RBM41: variants seen among roughly 807,000 people sequenced by gnomAD.
The protein encoded by RBM41 is RNA-binding protein 41.
A neutral mutation model predicts 30.8 loss-of-function variants in RBM41; 14 were observed. That is an observed-to-expected ratio of 0.45 (90% CI 0.30 to 0.71). The LOEUF is 0.71. Ranked by LOEUF, RBM41 falls within the 30% of genes least tolerant of loss-of-function variation. The pLI, the probability that RBM41 is intolerant of heterozygous loss-of-function variation, is 0.08. For synonymous variants in RBM41, 120 were observed against 110.1 expected (o/e 1.09, Z -0.56); for missense variants, 276 against 326.3 (o/e 0.85, Z 1.19).
Position 107,115,488 on chromosome X carries a change from C to T in RBM41, c.387G>A (p.Ser129=), listed in dbSNP as rs760544494. The change falls in exon 4 of 8, where the codon TCG becomes TCA. Residue 129 remains serine (S), a synonymous_variant. Transcript: ENST00000685964. Reference sequence around the variant, plus strand: ...GCAGGCAAAGAATGCGCTGACGCTCCGAGATCCTTTCTTCAATATCTTGAA... The same window carrying T: ...GCAGGCAAAGAATGCGCTGACGCTCTGAGATCCTTTCTTCAATATCTTGAA... ...NRLQDIEERI[S]ERQRILCLPQ... 2.3e-5 allele frequency: 28 copies of T among 1,211,606 alleles called. No individual in the cohort carries two copies. The highest frequency in any genetic ancestry group is 1.8e-4 in the East Asian group (6 of 33,825).
intron 6 of RBM41, among the ~76,000 whole-genome samples, chrX:107,087,028 A>C (rs1922096574): frequency 8.9e-6 from 1 of 111,883 alleles, no homozygotes; most frequent in African/African-American, 3.2e-5. Flanking sequence ...TAAAAATATA[A>C]AAACGTGCAC....
At chrX:107,116,160 TTC>T in intron 2 of RBM41, 106 bp from the exon 3 acceptor site, 1 of 998,463 alleles carries the variant, frequency 1.0e-6, no homozygotes, top group African/African-American at 2.0e-5. Context: ...CCAGCAAATT[TTC>T]TCTTACATCT....
In RBM41 at chrX:107,065,859, A is replaced by C; in HGVS notation, c.*1668T>G. ...ACTGTGTTTTACATTAGTTAAGAGA[A>C]AAAAGAAAAATGCATAGATTGTTTC... On this transcript the variant is annotated 3_prime_UTR_variant, in exon 8 of 8. Transcript: ENST00000685964. 2.4e-6 allele frequency: 2 copies of C among 834,199 alleles called. No homozygotes were observed. The highest frequency in any genetic ancestry group is 8.1e-5 in the East Asian group (2 of 24,581). The allele number at this position is 834,199 out of a possible 1,213,427, so 68.7% of individuals were successfully genotyped here.
chrX:107,067,359 T>C lies in RBM41; in HGVS notation c.*168A>G. On this transcript the variant is annotated 3_prime_UTR_variant, in exon 8 of 8. Coordinates refer to ENST00000685964, the MANE Select transcript of RBM41 (RefSeq NM_001324242.2). ...TCCTATATAGTCTTCAATTATATAA[T>C]AGAAAATGTTTTCTACCAGTTCTCT... 4 of 1,067,122 alleles carry C rather than the reference T, an allele frequency of 3.7e-6. No individual in the cohort carries two copies. The highest frequency in any genetic ancestry group is 4.8e-6 in the Non-Finnish European group (4 of 825,292). The allele number at this position is 1,067,122 out of a possible 1,213,427, so 87.9% of individuals were successfully genotyped here.
chrX:107,052,361 C>T, the RBM41 span, among the ~76,000 whole-genome samples: 1 of 111,161 alleles, frequency 9.0e-6, no homozygotes, highest in Non-Finnish European at 1.9e-5. Context: ...TTGCAAGCCC[C>T]GTGTTTAAAG....
chrX:107,102,226 A>G (rs1055296086), intron 5 of RBM41, among the ~76,000 whole-genome samples: 3 of 111,939 alleles, frequency 2.7e-5, no homozygotes, highest in Admixed American at 9.5e-5. Flanking sequence ...TTAACTTAAA[A>G]GTGACAAACT....
At position 107,064,931 on chromosome X, in the gene RBM41, T is replaced by C. The variant is rs377476176; in HGVS notation, c.*2596A>G. The C allele has an allele frequency of 8.9e-6, 1 of 111,951 alleles. No homozygotes were observed. The highest frequency in any genetic ancestry group is 3.2e-5 in the African/African-American group (1 of 30,801). The allele number at this position is 111,951 out of a possible 1,213,427, so 9.2% of individuals were successfully genotyped here. A position where few individuals can be genotyped will look rare whatever the true frequency, so the allele number is the denominator to read the frequency against. On this transcript the variant is annotated 3_prime_UTR_variant, in exon 8 of 8. Coordinates refer to ENST00000685964, the MANE Select transcript of RBM41 (RefSeq NM_001324242.2). ...TCCTTTCCTTTCAGTTTTTGCTTCATGTATTTTGGGCTCTACTGTTAGATG... is the reference window on the plus strand; with the variant it reads ...TCCTTTCCTTTCAGTTTTTGCTTCACGTATTTTGGGCTCTACTGTTAGATG...
intron 5 of RBM41, among the ~76,000 whole-genome samples, chrX:107,105,832 T>C (rs1923920958): frequency 8.9e-6 from 1 of 111,805 alleles, no homozygotes; most frequent in Non-Finnish European, 1.9e-5. Flanking sequence ...AAGCTGAAAC[T>C]GGATCCCTTC....
chrX:107,058,112 G>A (rs1056637720), downstream of RBM41, among the ~76,000 whole-genome samples: 8 of 108,964 alleles, frequency 7.3e-5, no homozygotes, highest in Non-Finnish European at 1.5e-4. Context: ...TGGCCAACAT[G>A]GTGAAACCCT....
intron 5 of RBM41, among the ~76,000 whole-genome samples, chrX:107,090,200 C>G (rs1365902816): frequency 9.0e-6 from 1 of 110,655 alleles, no homozygotes; most frequent in Non-Finnish European, 1.9e-5. Context: ...ATGGTGAAAC[C>G]CCATCTCTAC....
chrX:107,118,687 G>C lies in RBM41; in HGVS notation c.8+79C>G, dbSNP rs1030312278. Reference sequence around the variant, plus strand: ...CTGAGAACGTGCAATACCCAAACCAGAAAGCAATGGAAGCCATTTTCAAAA... The same window carrying C: ...CTGAGAACGTGCAATACCCAAACCACAAAGCAATGGAAGCCATTTTCAAAA... On this transcript the variant is annotated intron_variant, in intron 1 of 7. Transcript: ENST00000685964. 97 of 1,165,157 alleles carry C rather than the reference G, an allele frequency of 8.3e-5. No homozygotes were observed. The South Asian group carries it at 1.7e-3, about 20-fold the overall frequency.
the RBM41 span, among the ~76,000 whole-genome samples, chrX:107,052,328 T>C: frequency 9.0e-6 from 1 of 111,081 alleles, no homozygotes; most frequent in Non-Finnish European, 1.9e-5. Context: ...GTGAGCTCTC[T>C]GATTGGTCGG....
chrX:107,113,513 C>G (rs1260529025), intron 4 of RBM41, 45 bp from the exon 5 acceptor site: 2 of 980,137 alleles, frequency 2.0e-6, no homozygotes, highest in Non-Finnish European at 1.3e-6. Context: ...GGAAACAGAA[C>G]AGATTCATAA....
At chrX:107,104,325 G>A (rs1356072060) in intron 5 of RBM41, among the ~76,000 whole-genome samples, 1 of 110,799 alleles carries the variant, frequency 9.0e-6, no homozygotes, top group Non-Finnish European at 1.9e-5. Context: ...TAATAAAGAT[G>A]GATTGATAGA....
At position 107,063,742 on chromosome X, in the gene RBM41, G is replaced by C. The variant is rs775650193; in HGVS notation, c.*3785C>G. On this transcript the variant is annotated 3_prime_UTR_variant, in exon 8 of 8. Coordinates refer to ENST00000685964, the MANE Select transcript of RBM41 (RefSeq NM_001324242.2). Reference sequence around the variant, plus strand: ...TTTGATTCTCCTTTTTTCCTGGTCAGTCTAGCAGAAGGTGTGTCAGTTTTA... The same window carrying C: ...TTTGATTCTCCTTTTTTCCTGGTCACTCTAGCAGAAGGTGTGTCAGTTTTA... Among the ~76,000 whole-genome samples, 2 of 110,730 alleles carry C rather than the reference G, an allele frequency of 1.8e-5. No homozygotes were observed. The highest frequency in any genetic ancestry group is 7.7e-4 in the South Asian group (2 of 2,601).
At chrX:107,096,014 C>T (rs1490622358) in intron 5 of RBM41, among the ~76,000 whole-genome samples, 1 of 111,364 alleles carries the variant, frequency 9.0e-6, no homozygotes, top group Non-Finnish European at 1.9e-5. Flanking sequence ...AAGACCCTGT[C>T]TCTAAAAAAT....
Position 107,115,488 on chromosome X carries a change from C to G in RBM41, c.387G>C (p.Ser129=), listed in dbSNP as rs760544494. 1 of 1,209,937 alleles carries G rather than the reference C, an allele frequency of 8.3e-7. No homozygotes were observed. Among genetic ancestry groups the G allele is most frequent in the African/African-American group, 1.7e-5 (1 of 57,157 alleles). Residue 129 remains serine (S), a synonymous_variant, in exon 4 of 8, where the codon TCG becomes TCC. Coordinates refer to ENST00000685964, the MANE Select transcript of RBM41 (RefSeq NM_001324242.2). ...NRLQDIEERI[S]ERQRILCLPQ... ...GCAGGCAAAGAATGCGCTGACGCTCCGAGATCCTTTCTTCAATATCTTGAA... is the reference window on the plus strand; with the variant it reads ...GCAGGCAAAGAATGCGCTGACGCTCGGAGATCCTTTCTTCAATATCTTGAA...
intron 4 of RBM41, among the ~76,000 whole-genome samples, chrX:107,113,823 C>T (rs760767247): frequency 1.4e-3 from 154 of 111,769 alleles, no homozygotes; most frequent in African/African-American, 4.7e-3. Context: ...CACTGCTCTG[C>T]CATGTCTATG....
intron 5 of RBM41, among the ~76,000 whole-genome samples, chrX:107,099,048 A>G (rs987019623): frequency 9.0e-6 from 1 of 111,516 alleles, no homozygotes; most frequent in South Asian, 3.8e-4. Context: ...AAGTATAAAG[A>G]AAAAATTAAT....
Sources: gnomAD v4.1 joint callset for allele counts (sites outside exome capture counted in the v4.1 genomes callset) on GRCh38, gnomAD v4.1.1 for gene constraint, MANE v1.5 for transcripts, NCBI Gene and HGNC (gene_info 2026-07-23, HGNC 2026-07-21) for gene names.